The following ERBB4 variants were observed in gnomAD, a reference collection of about 807,000 sequenced individuals.
The protein encoded by ERBB4 is receptor tyrosine-protein kinase erbB-4.
In ERBB4, 42 loss-of-function variants were observed where a neutral mutation model predicts 158.0. That is an observed-to-expected ratio of 0.27 (90% CI 0.21 to 0.34). ERBB4 has a LOEUF of 0.34. ERBB4 is among the 10% of genes least tolerant of loss of function. The pLI is 1.00. For synonymous variants in ERBB4, 583 were observed against 558.7 expected (o/e 1.04, Z -0.61); for missense variants, 1,333 against 1,624.1 (o/e 0.82, Z 3.08).
chr2:212,035,093 A>C (rs1423443678), intron 2 of ERBB4, among the ~76,000 whole-genome samples: 1 of 152,190 alleles, frequency 6.6e-6, no homozygotes, highest in African/African-American at 2.4e-5. Flanking sequence ...AGAGAACATA[A>C]ATCAATGCAA....
At chr2:211,970,168 G>C (rs1232425958) in intron 2 of ERBB4, among the ~76,000 whole-genome samples, 1 of 152,056 alleles carries the variant, frequency 6.6e-6, no homozygotes, top group Admixed American at 6.6e-5. Flanking sequence ...TCAGGAGCAG[G>C]TTATTCAATT....
intron 1 of ERBB4, among the ~76,000 whole-genome samples, chr2:212,531,460 T>A (rs1193244277): frequency 1.3e-5 from 2 of 152,196 alleles, no homozygotes; most frequent in Non-Finnish European, 1.5e-5. Context: ...ATGTCTTAGT[T>A]AGGGCCATGA....
chr2:211,477,772 T>A (rs2064990704), intron 20 of ERBB4, among the ~76,000 whole-genome samples: 1 of 152,134 alleles, frequency 6.6e-6, no homozygotes, highest in African/African-American at 2.4e-5. Context: ...CTAAGAATTT[T>A]AAGTATTAAA....
chr2:212,202,533 G>T (rs2082617939), intron 1 of ERBB4, among the ~76,000 whole-genome samples: 1 of 151,758 alleles, frequency 6.6e-6, no homozygotes, highest in Non-Finnish European at 1.5e-5. Context: ...AGAGACAGGG[G>T]TCTCGCCATG....
chr2:211,410,880 T>TA lies in ERBB4; in HGVS notation c.3135+9560dup, dbSNP rs113781719. 8.5e-3 allele frequency among the ~76,000 whole-genome samples: 1,290 copies of TA among 152,068 alleles called. 19 individuals carry two copies. The highest frequency in any genetic ancestry group is 0.029 in the African/African-American group (1,218 of 41,480). ...TAAATTAAAGAACAATAACAATTTGTAAAAAAAACCTTTGTTTTTTAAATT... is the reference window on the plus strand; with the variant it reads ...TAAATTAAAGAACAATAACAATTTGTAAAAAAAAACCTTTGTTTTTTAAATT... On this transcript the variant is annotated intron_variant, in intron 25 of 27. Coordinates refer to ENST00000342788, the MANE Select transcript of ERBB4 (RefSeq NM_005235.3).
intron 19 of ERBB4, among the ~76,000 whole-genome samples, chr2:211,596,667 T>C (rs2068638706): frequency 6.6e-6 from 1 of 152,200 alleles, no homozygotes; most frequent in Non-Finnish European, 1.5e-5. Flanking sequence ...TCTTTTTCTC[T>C]TGATGACTTT....
In ERBB4 at chr2:211,580,843, A is replaced by ATT. The variant is rs1191386476; in HGVS notation, c.2302-18757_2302-18756dup. On this transcript the variant is annotated intron_variant, in intron 19 of 27. Coordinates refer to ENST00000342788, the MANE Select transcript of ERBB4 (RefSeq NM_005235.3). Reference sequence around the variant, plus strand: ...TATATATTATATATATAGATTATATATTATATATATAGTATGCATATACAT... The same window carrying ATT: ...TATATATTATATATATAGATTATATATTTTATATATATAGTATGCATATACAT... Among the ~76,000 whole-genome samples the ATT allele has an allele frequency of 2.4e-5, 2 of 82,646 alleles. 1 individual carries two copies. The highest frequency in any genetic ancestry group is 7.2e-5 in the African/African-American group (2 of 27,640). 54.2% of individuals were successfully genotyped at this position (82,646 alleles called of 152,430 possible). A position where few individuals can be genotyped will look rare whatever the true frequency, so the allele number is the denominator to read the frequency against.
chr2:211,880,226 T>C (rs2078625467), intron 3 of ERBB4, among the ~76,000 whole-genome samples: 1 of 152,094 alleles, frequency 6.6e-6, no homozygotes, highest in Admixed American at 6.6e-5. Context: ...AACAGTAGGT[T>C]TTGCTCAAAA....
At chr2:212,142,064 C>T (rs1190593822) in intron 1 of ERBB4, among the ~76,000 whole-genome samples, 1 of 152,138 alleles carries the variant, frequency 6.6e-6, no homozygotes, top group Non-Finnish European at 1.5e-5. Context: ...CAGGGGCCAC[C>T]TTACTTGTCT....
At chr2:212,208,407 T>C (rs1029200315) in intron 1 of ERBB4, among the ~76,000 whole-genome samples, 41 of 152,268 alleles carry the variant, frequency 2.7e-4, no homozygotes, top group Admixed American at 1.4e-3. Context: ...AATATACTTA[T>C]CTATCTTGAA....
At chr2:212,482,064 C>T (rs1213005652) in intron 1 of ERBB4, among the ~76,000 whole-genome samples, 1 of 152,198 alleles carries the variant, frequency 6.6e-6, no homozygotes, top group Non-Finnish European at 1.5e-5. Flanking sequence ...ATTTACTCTT[C>T]AGTTTAGGTA....
At chr2:211,738,579 C>G (rs1262465103) in intron 5 of ERBB4, among the ~76,000 whole-genome samples, 2 of 151,874 alleles carry the variant, frequency 1.3e-5, no homozygotes, top group African/African-American at 4.8e-5. Context: ...ACCATGTTGG[C>G]CAGGCTGGTC....
intron 20 of ERBB4, among the ~76,000 whole-genome samples, chr2:211,488,541 T>C (rs2065262600): frequency 6.6e-6 from 1 of 152,154 alleles, no homozygotes; most frequent in South Asian, 2.1e-4. Context: ...GCCTCTCATA[T>C]GCCTTAGAAG....
At chr2:211,994,123 C>T (rs2082141530) in intron 2 of ERBB4, among the ~76,000 whole-genome samples, 1 of 151,814 alleles carries the variant, frequency 6.6e-6, no homozygotes, top group Admixed American at 6.6e-5. Flanking sequence ...TATCTATCTA[C>T]CTATCATCTA....
intron 1 of ERBB4, among the ~76,000 whole-genome samples, chr2:212,513,744 GGAGC>G (rs1455818486): frequency 6.6e-5 from 10 of 152,218 alleles, no homozygotes; most frequent in African/African-American, 2.4e-4. Flanking sequence ...CCCAGGAGGC[GGAGC>G]TTGCAGTGCG....
intron 1 of ERBB4, among the ~76,000 whole-genome samples, chr2:212,228,090 C>A (rs2083535926): frequency 2.0e-5 from 3 of 152,258 alleles, no homozygotes; most frequent in Admixed American, 2.0e-4. Flanking sequence ...TTATAAAATA[C>A]TCCTTTTCAC....
chr2:211,879,665 A>G (rs971799094), intron 3 of ERBB4, among the ~76,000 whole-genome samples: 1 of 152,178 alleles, frequency 6.6e-6, no homozygotes, highest in Non-Finnish European at 1.5e-5. Flanking sequence ...CTAATTAAAT[A>G]AAAGGGAAAA....
chr2:211,966,426 G>A (rs2081313553), intron 2 of ERBB4, among the ~76,000 whole-genome samples: 1 of 151,970 alleles, frequency 6.6e-6, no homozygotes, highest in Non-Finnish European at 1.5e-5. Context: ...ATTTTTAGTA[G>A]AGACGGGGTT....
chr2:212,141,417 G>C (rs1054651052), intron 1 of ERBB4, among the ~76,000 whole-genome samples: 1 of 151,988 alleles, frequency 6.6e-6, no homozygotes, highest in African/African-American at 2.4e-5. Context: ...AAGAAAATAG[G>C]TGCAAGTTTC....
Sources: allele counts gnomAD v4.1 joint callset (sites outside exome capture counted in the v4.1 genomes callset), GRCh38; gene constraint gnomAD v4.1.1; transcripts MANE v1.5; gene names NCBI Gene and HGNC (gene_info 2026-07-23, HGNC 2026-07-21).